CCDC175: variants seen among roughly 807,000 people sequenced by gnomAD.
CCDC175 encodes the protein coiled-coil domain-containing protein 175.
Under a neutral mutation model 114.6 loss-of-function variants are expected in CCDC175, and 100 were observed. That is an observed-to-expected ratio of 0.87 (90% CI 0.74 to 1.03). The LOEUF is 1.03. CCDC175 is among the 50% of genes least tolerant of loss of function. The pLI is 0.00. For synonymous variants in CCDC175, 306 were observed against 308.7 expected (o/e 0.99, Z 0.09); for missense variants, 880 against 917.8 (o/e 0.96, Z 0.53).
Position 59,531,826 on chromosome 14 carries a change from G to A in CCDC175, c.1708C>T (p.Gln570Ter). 3.4e-6 allele frequency: 5 copies of A among 1,491,324 alleles called. No individual in the cohort carries two copies. The highest frequency in any genetic ancestry group is 4.5e-6 in the Non-Finnish European group (5 of 1,108,500). 92.4% of individuals were successfully genotyped at this position (1,491,324 alleles called of 1,614,324 possible). A position where few individuals can be genotyped will look rare whatever the true frequency, so the allele number is the denominator to read the frequency against. The change falls in exon 14 of 20, where the codon CAA becomes TAA. Residue 570 changes from glutamine to a stop codon, truncating the protein, a stop_gained. Transcript: ENST00000537690. LOFTEE classifies it high-confidence loss of function. ...EYLPQLQVAE[Q>*]EYKEKRRKLE... Reference sequence around the variant, plus strand: ...TTTCTTCTTTTCTCTTTATACTCTTGTTCTGCCACCTGAAGTTGTGGAAGA... The same window carrying A: ...TTTCTTCTTTTCTCTTTATACTCTTATTCTGCCACCTGAAGTTGTGGAAGA...
intron 19 of CCDC175, among the ~76,000 whole-genome samples, chr14:59,507,055 CTT>C (rs2139939298): frequency 6.6e-6 from 1 of 152,298 alleles, no homozygotes; most frequent in African/African-American, 2.4e-5. Flanking sequence ...TAAGAATTAA[CTT>C]ATTTACCTTT....
intron 3 of CCDC175, among the ~76,000 whole-genome samples, chr14:59,569,289 G>A (rs1258821427): frequency 6.6e-6 from 1 of 152,114 alleles, no homozygotes; most frequent in Non-Finnish European, 1.5e-5. Flanking sequence ...CAAACTTTGT[G>A]TCTCAAATAT....
intron 14 of CCDC175, among the ~76,000 whole-genome samples, chr14:59,528,938 C>T (rs2139999793): frequency 6.6e-6 from 1 of 152,250 alleles, no homozygotes; most frequent in East Asian, 1.9e-4. Flanking sequence ...AGAATATACT[C>T]TTTAAAAGTA....
chr14:59,553,334 T>A (rs1895647722), intron 7 of CCDC175, among the ~76,000 whole-genome samples: 1 of 152,198 alleles, frequency 6.6e-6, no homozygotes, highest in Non-Finnish European at 1.5e-5. Flanking sequence ...GAAAGAATTT[T>A]CAACCCAGAA....
At chr14:59,516,068 C>A (rs1182036650) in intron 17 of CCDC175, among the ~76,000 whole-genome samples, 1 of 152,182 alleles carries the variant, frequency 6.6e-6, no homozygotes, top group Admixed American at 6.5e-5. Context: ...TGAATGACTA[C>A]TGGGTACATA....
intron 14 of CCDC175, among the ~76,000 whole-genome samples, chr14:59,527,616 ATTTTC>A (rs1165766721): frequency 5.3e-5 from 8 of 152,116 alleles, no homozygotes; most frequent in African/African-American, 1.9e-4. Flanking sequence ...ATATGATTAG[ATTTTC>A]TTTTTAGTAT....
In CCDC175 at chr14:59,537,684, G is replaced by A. The variant is rs533188237; in HGVS notation, c.1623+339C>T. On this transcript the variant is annotated intron_variant, in intron 13 of 19. Coordinates refer to ENST00000537690, the MANE Select transcript of CCDC175 (RefSeq NM_001164399.2). ...GACAGCATGATACCCTCTTTTTAAA[G>A]AGCACATCTGAGACTGACTTTACTA... 3.3e-5 allele frequency among the ~76,000 whole-genome samples: 5 copies of A among 152,188 alleles called. No individual in the cohort carries two copies. The East Asian group carries it at 9.7e-4, about 29-fold the overall frequency.
At chr14:59,560,732 G>A (rs1595067405) in intron 7 of CCDC175, among the ~76,000 whole-genome samples, 1 of 152,240 alleles carries the variant, frequency 6.6e-6, no homozygotes, top group Middle Eastern at 3.4e-3. Context: ...AGGAAGTTTG[G>A]CAAGTATCCT....
intron 1 of CCDC175, among the ~76,000 whole-genome samples, chr14:59,575,992 G>A (rs1334689869): frequency 6.6e-6 from 1 of 152,088 alleles, no homozygotes; most frequent in Non-Finnish European, 1.5e-5. Context: ...TTGTTGTTTG[G>A]CCTAAACGGT....
chr14:59,539,111 T>G (rs772495162), intron 11 of CCDC175, among the ~76,000 whole-genome samples: 1 of 151,994 alleles, frequency 6.6e-6, no homozygotes, highest in Non-Finnish European at 1.5e-5. Flanking sequence ...CTCCTTCAGG[T>G]AAAGGATAGA....
rs1386970476 is a variant in CCDC175, at chr14:59,527,177, A to G, written c.1763-3T>C. On this transcript the variant is annotated splice_polypyrimidine_tract_variant and splice_region_variant and intron_variant, in intron 14 of 19. Coordinates refer to ENST00000537690, the MANE Select transcript of CCDC175 (RefSeq NM_001164399.2). ...TAAATCTTCCTCCTGTCTTTGTGCT[A>G]TTAAAACAAAGAAAAAAATAACTAC... 9.0e-6 allele frequency: 13 copies of G among 1,451,388 alleles called. No individual in the cohort carries two copies. The highest frequency in any genetic ancestry group is 1.2e-5 in the Non-Finnish European group (13 of 1,102,248). The allele number at this position is 1,451,388 out of a possible 1,614,324, so 89.9% of individuals were successfully genotyped here.
At chr14:59,561,343 T>C (rs895487106) in intron 6 of CCDC175, 115 bp from the exon 7 acceptor site, 1 of 493,582 alleles carries the variant, frequency 2.0e-6, no homozygotes, top group Non-Finnish European at 3.6e-6. Flanking sequence ...ATTAGGAGTG[T>C]ACTTCAAGGA....
intron 13 of CCDC175, among the ~76,000 whole-genome samples, chr14:59,532,922 G>A (rs1468756268): frequency 6.6e-6 from 1 of 152,200 alleles, no homozygotes; most frequent in Non-Finnish European, 1.5e-5. Flanking sequence ...ACTTGTCCCA[G>A]TTTACTCTTA....
intron 7 of CCDC175, among the ~76,000 whole-genome samples, chr14:59,557,785 T>C (rs867621605): frequency 6.6e-6 from 1 of 152,130 alleles, no homozygotes. Flanking sequence ...TATTTATTTA[T>C]TTATTCTTTC....
At chr14:59,576,593 C>A in intron 1 of CCDC175, 26 bp downstream of exon 1, 1 of 1,402,584 alleles carries the variant, frequency 7.1e-7, no homozygotes, top group Admixed American at 3.4e-5. Context: ...GGAGACGTCC[C>A]TTCCAGCGCC....
Position 59,561,118 on chromosome 14 carries a change from C to A in CCDC175, c.953+1G>T, listed in dbSNP as rs1487289604. 1.4e-6 allele frequency: 2 copies of A among 1,463,600 alleles called. No individual in the cohort carries two copies. Among genetic ancestry groups the A allele is most frequent in the Non-Finnish European group, 1.9e-6 (2 of 1,080,352 alleles). The allele number at this position is 1,463,600 out of a possible 1,614,324, so 90.7% of individuals were successfully genotyped here. A position where few individuals can be genotyped will look rare whatever the true frequency, so the allele number is the denominator to read the frequency against. On this transcript the variant is annotated splice_donor_variant, in intron 7 of 19. Coordinates refer to ENST00000537690, the MANE Select transcript of CCDC175 (RefSeq NM_001164399.2). LOFTEE classifies it high-confidence loss of function. ...AAGTAAAAATAAAGCATTACACTTA[C>A]AGTTTCGCCTCCAGAATTGCAAGGT... is the stretch of plus-strand genomic sequence containing the variant.
intron 3 of CCDC175, among the ~76,000 whole-genome samples, chr14:59,570,549 G>A (rs899276725): frequency 2.6e-5 from 4 of 152,016 alleles, no homozygotes; most frequent in Non-Finnish European, 5.9e-5. Flanking sequence ...ACATCTCTTT[G>A]GAGGAAATAA....
intron 17 of CCDC175, among the ~76,000 whole-genome samples, chr14:59,515,363 C>T (rs1257277107): frequency 4.6e-5 from 7 of 152,158 alleles, no homozygotes; most frequent in African/African-American, 1.7e-4. Context: ...TTAAAAGACA[C>T]AGACTGGCAA....
intron 17 of CCDC175, among the ~76,000 whole-genome samples, chr14:59,514,984 A>G (rs1445963199): frequency 1.3e-5 from 2 of 152,340 alleles, no homozygotes; most frequent in Non-Finnish European, 2.9e-5. Context: ...GAAACACTAC[A>G]AGCCAGAAGA....
Sources: allele counts gnomAD v4.1 joint callset (sites outside exome capture counted in the v4.1 genomes callset), GRCh38; gene constraint gnomAD v4.1.1; transcripts MANE v1.5; gene names NCBI Gene and HGNC (gene_info 2026-07-23, HGNC 2026-07-21).